The following VWC2L variants were observed in gnomAD, a reference collection of about 807,000 sequenced individuals.
The protein encoded by VWC2L is von Willebrand factor C domain containing 2 like.
A neutral mutation model predicts 21.6 loss-of-function variants in VWC2L; 10 were observed. The observed-to-expected ratio is 0.46, with a 90% CI of 0.29 to 0.78. The LOEUF (loss-of-function observed/expected upper bound fraction) is 0.78, where lower values mean the gene tolerates loss of function less well. Ranked by LOEUF, VWC2L falls within the 30% of genes least tolerant of loss-of-function variation. The probability of loss-of-function intolerance (pLI) is 0.10; values close to 1 mark genes in which losing one functional copy is unlikely to be tolerated. For missense variants in VWC2L, 209 were observed against 277.1 expected (o/e 0.75, Z 1.74); for synonymous variants, 96 against 94.3 (o/e 1.02, Z -0.10).
chr2:214,519,492 A>T (rs1048259704), intron 3 of VWC2L, among the ~76,000 whole-genome samples: 5 of 152,240 alleles, frequency 3.3e-5, no homozygotes, highest in African/African-American at 1.2e-4. Context: ...CCACATTGGA[A>T]ACCATGATAC....
chr2:214,531,028 A>G (rs1247899310), intron 3 of VWC2L, among the ~76,000 whole-genome samples: 1 of 152,200 alleles, frequency 6.6e-6, no homozygotes, highest in African/African-American at 2.4e-5. Flanking sequence ...TGTTTCCTGA[A>G]TCTAAGATAT....
chr2:214,489,164 A>T (rs1397508756), intron 3 of VWC2L, among the ~76,000 whole-genome samples: 1 of 152,182 alleles, frequency 6.6e-6, no homozygotes, highest in African/African-American at 2.4e-5. Flanking sequence ...AGCCTTGTCC[A>T]TAGTAGCTGG....
At chr2:214,483,916 C>A (rs541315364) in intron 3 of VWC2L, among the ~76,000 whole-genome samples, 1 of 152,110 alleles carries the variant, frequency 6.6e-6, no homozygotes, top group Non-Finnish European at 1.5e-5. Flanking sequence ...TATTCTCTAA[C>A]GGTTTTGGAA....
chr2:214,557,151 C>A (rs1689885899), intron 3 of VWC2L, among the ~76,000 whole-genome samples: 1 of 151,980 alleles, frequency 6.6e-6, no homozygotes, highest in African/African-American at 2.4e-5. Flanking sequence ...AAAGACATAC[C>A]CGAGACTGGG....
chr2:214,429,996 G>A (rs1279901797), intron 2 of VWC2L, among the ~76,000 whole-genome samples: 2 of 151,992 alleles, frequency 1.3e-5, no homozygotes, highest in Admixed American at 6.5e-5. Context: ...GCTAATTTTT[G>A]TATTTTTAGT....
At chr2:214,530,918 T>C (rs373345742) in intron 3 of VWC2L, among the ~76,000 whole-genome samples, 4 of 152,202 alleles carry the variant, frequency 2.6e-5, no homozygotes, top group Non-Finnish European at 5.9e-5. Context: ...GGTAGCTGCA[T>C]TGGCAATCGT....
intron 3 of VWC2L, among the ~76,000 whole-genome samples, chr2:214,504,818 G>C (rs1438137347): frequency 6.6e-6 from 1 of 152,152 alleles, no homozygotes; most frequent in Admixed American, 6.5e-5. Flanking sequence ...TTTTACACAG[G>C]AGGAAACAAT....
intron 2 of VWC2L, among the ~76,000 whole-genome samples, chr2:214,418,629 G>A (rs1559284663): frequency 6.6e-6 from 1 of 152,026 alleles, no homozygotes; most frequent in African/African-American, 2.4e-5. Flanking sequence ...TCCCAACACC[G>A]TGTGAGCTAT....
rs1310212321 is a variant in VWC2L at position 214,445,201 on chromosome 2, A to C, written c.520+8443A>C. Among the ~76,000 whole-genome samples the C allele has an allele frequency of 2.0e-5, 3 of 151,954 alleles. No individual in the cohort carries two copies. The East Asian group carries it at 5.8e-4, about 29-fold the overall frequency. ...ATATGCTCTCTGAAGGGTAGTAAAAATGTATGGACCTTTAATGCAGCAATG... is the reference window on the plus strand; with the variant it reads ...ATATGCTCTCTGAAGGGTAGTAAAACTGTATGGACCTTTAATGCAGCAATG... On this transcript the variant is annotated intron_variant, in intron 3 of 3. Coordinates refer to ENST00000312504, the MANE Select transcript of VWC2L (RefSeq NM_001080500.4).
intron 3 of VWC2L, among the ~76,000 whole-genome samples, chr2:214,476,676 T>G (rs1201864196): frequency 6.6e-6 from 1 of 152,214 alleles, no homozygotes; most frequent in Non-Finnish European, 1.5e-5. Context: ...CCTCATTACA[T>G]CCATAATTAG....
At position 214,488,550 on chromosome 2, in the gene VWC2L, T is replaced by A. The variant is rs554825704; in HGVS notation, c.520+51792T>A. On this transcript the variant is annotated intron_variant, in intron 3 of 3. Coordinates refer to ENST00000312504, the MANE Select transcript of VWC2L (RefSeq NM_001080500.4). ...GGAGGTCAAGGCTGCATGAGCCGTG[T>A]TCACACCACTGCACTCCAGCCTGGG... Among the ~76,000 whole-genome samples, 5 of 152,238 alleles carry A rather than the reference T, an allele frequency of 3.3e-5. No homozygotes were observed. In the South Asian group the frequency reaches 1.0e-3, roughly 32 times the overall value.
At chr2:214,522,090 T>C (rs1387811211) in intron 3 of VWC2L, among the ~76,000 whole-genome samples, 5 of 152,146 alleles carry the variant, frequency 3.3e-5, no homozygotes, top group Non-Finnish European at 5.9e-5. Flanking sequence ...ACAAATTGTA[T>C]TTTGGCCGGG....
chr2:214,563,445 G>T (rs1690008184), intron 3 of VWC2L, among the ~76,000 whole-genome samples: 1 of 150,338 alleles, frequency 6.7e-6, no homozygotes, highest in Non-Finnish European at 1.5e-5. Flanking sequence ...TACTCAGGAG[G>T]CTGAGGCAGG....
chr2:214,520,058 T>TACACACACACAC (rs60850327), intron 3 of VWC2L, among the ~76,000 whole-genome samples: 12,045 of 143,078 alleles, frequency 0.084, 554 homozygotes, highest in Non-Finnish European at 0.092. Context: ...GCTCCTGTTA[T>TACACACACACAC]ACACACACAC....
At chr2:214,543,709 C>T (rs1689662996) in intron 3 of VWC2L, among the ~76,000 whole-genome samples, 1 of 151,716 alleles carries the variant, frequency 6.6e-6, no homozygotes. Context: ...GGTCCCTCAG[C>T]TTAATTGAAT....
In VWC2L at chr2:214,575,464, C is replaced by T. The variant is rs147730178; in HGVS notation, c.521-208C>T. On this transcript the variant is annotated intron_variant, in intron 3 of 3. Coordinates refer to ENST00000312504, the MANE Select transcript of VWC2L (RefSeq NM_001080500.4). ...GATTGTCTCTTTTTATTTAAGTTCA[C>T]AATATACACGGGAAATATGAGCTGT... 1.3e-3 allele frequency among the ~76,000 whole-genome samples: 192 copies of T among 152,198 alleles called. 4 individuals are homozygous for T. The East Asian group carries it at 0.031, about 24-fold the overall frequency.
chr2:214,444,141 T>C (rs1396723397), intron 3 of VWC2L, among the ~76,000 whole-genome samples: 2 of 152,052 alleles, frequency 1.3e-5, no homozygotes, highest in Admixed American at 6.5e-5. Flanking sequence ...TAACTACATA[T>C]GAAAATTTGG....
chr2:214,524,977 G>A (rs1245442995), intron 3 of VWC2L, among the ~76,000 whole-genome samples: 1 of 150,640 alleles, frequency 6.6e-6, no homozygotes, highest in Non-Finnish European at 1.5e-5. Flanking sequence ...ACAAGACAGG[G>A]CCACAGACCA....
At chr2:214,462,874 TTTTAA>T (rs1374785580) in intron 3 of VWC2L, among the ~76,000 whole-genome samples, 3 of 152,238 alleles carry the variant, frequency 2.0e-5, no homozygotes, top group African/African-American at 7.2e-5. Flanking sequence ...GTAATTTCTC[TTTTAA>T]TTTATTCTTT....
Sources: allele counts gnomAD v4.1 joint callset (sites outside exome capture counted in the v4.1 genomes callset), GRCh38; gene constraint gnomAD v4.1.1; transcripts MANE v1.5; gene names NCBI Gene and HGNC (gene_info 2026-07-23, HGNC 2026-07-21).